Variants in FBXO16 observed in about 807,000 individuals in gnomAD.
FBXO16 encodes the protein F-box protein 16, also known as F-box only protein 16.
FBXO16 carries 31 observed loss-of-function variants against 41.0 expected under a neutral mutation model. The ratio of observed to expected loss-of-function variants is 0.76; its 90% confidence interval spans 0.57 to 1.02. The LOEUF (loss-of-function observed/expected upper bound fraction) is 1.02. Among genes scored for constraint, FBXO16 ranks in the 50% least tolerant of loss-of-function variants. FBXO16 has a pLI of 0.00. For missense variants in FBXO16, 361 were observed against 346.2 expected (o/e 1.04, Z -0.34); for synonymous variants, 133 against 117.8 (o/e 1.13, Z -0.84).
chr8:28,463,721 T>C lies in FBXO16; in HGVS notation c.233A>G (p.Gln78Arg), dbSNP rs780535231. The C allele has an allele frequency of 1.2e-6, 2 of 1,614,232 alleles. No homozygotes were observed. Among genetic ancestry groups the C allele is most frequent in the Non-Finnish European group, 1.7e-6 (2 of 1,180,034 alleles). ...SQQKFCCRKL[Q>R]EKIPAEALDF... ...CAGGGCTTCTGCTGGAATTTTCTCT[T>C]GAAGCTTTCGACAGCAGAACTTTTG... is the stretch of plus-strand genomic sequence containing the variant. Residue 78 changes from glutamine to arginine, a missense_variant, in exon 4 of 9, where the codon CAA becomes CGA. Coordinates refer to ENST00000380254, the MANE Select transcript of FBXO16 (RefSeq NM_172366.4).
At chr8:28,449,576 G>T (rs2130119993) in intron 6 of FBXO16, among the ~76,000 whole-genome samples, 1 of 152,106 alleles carries the variant, frequency 6.6e-6, no homozygotes, top group Admixed American at 6.5e-5. Context: ...TTCTGCCTCA[G>T]CCACCCAGAG....
intron 3 of FBXO16, among the ~76,000 whole-genome samples, chr8:28,469,146 T>TA (rs935486296): frequency 6.0e-5 from 9 of 149,352 alleles, no homozygotes; most frequent in South Asian, 2.1e-4. Flanking sequence ...CCATCTCTAC[T>TA]AAAAAAAAAT....
At chr8:28,440,105 C>CTAT (rs34234188) in intron 7 of FBXO16, among the ~76,000 whole-genome samples, 6 of 149,650 alleles carry the variant, frequency 4.0e-5, no homozygotes, top group Non-Finnish European at 5.9e-5. Context: ...TATTTTATTA[C>CTAT]TATTATTATT....
rs745692133 is a variant in FBXO16, at chr8:28,428,666, C to T, written c.*61G>A. On this transcript the variant is annotated 3_prime_UTR_variant, in exon 9 of 9. Coordinates refer to ENST00000380254, the MANE Select transcript of FBXO16 (RefSeq NM_172366.4). ...AGCTGTGGTGGCAGTGTCTGGGAGT[C>T]CCACTGACTCAGGGGGAGGCCAGGC... The T allele has an allele frequency of 2.6e-6, 4 of 1,566,900 alleles. No individual in the cohort carries two copies. The highest frequency in any genetic ancestry group is 2.4e-5 in the South Asian group (2 of 84,896).
intron 4 of FBXO16, among the ~76,000 whole-genome samples, chr8:28,462,176 G>A (rs1803144916): frequency 6.6e-6 from 1 of 151,870 alleles, no homozygotes. Context: ...CTAGGCTCAG[G>A]CAATCCTCCC....
At chr8:28,471,279 T>C (rs1282401111) in intron 3 of FBXO16, among the ~76,000 whole-genome samples, 1 of 152,234 alleles carries the variant, frequency 6.6e-6, no homozygotes, top group African/African-American at 2.4e-5. Flanking sequence ...TATCTCTCAC[T>C]GTCTAGATTC....
chr8:28,467,921 T>A (rs536504634), intron 3 of FBXO16, among the ~76,000 whole-genome samples: 1 of 152,246 alleles, frequency 6.6e-6, no homozygotes, highest in Non-Finnish European at 1.5e-5. Flanking sequence ...TTTCTAATTG[T>A]GTTTGTTTAG....
intron 7 of FBXO16, among the ~76,000 whole-genome samples, chr8:28,443,996 C>G (rs1323295499): frequency 6.6e-6 from 1 of 152,178 alleles, no homozygotes; most frequent in African/African-American, 2.4e-5. Flanking sequence ...CGGGGCTGCT[C>G]TGTCTATGGA....
chr8:28,456,823 C>T lies in FBXO16; in HGVS notation c.450G>A (p.Gly150=), dbSNP rs201411812. The part of the protein sequence containing the change: ...INFSPTPFEQ[G]IWKKHYIQMV... Reference sequence around the variant, plus strand: ...TTTGAATATAGTGCTTCTTCCAGATCCCCTGCTCAAAGGGAGTTGGAGAGA... The same window carrying T: ...TTTGAATATAGTGCTTCTTCCAGATTCCCTGCTCAAAGGGAGTTGGAGAGA... The change falls in exon 5 of 9, where the codon GGG becomes GGA. Residue 150 remains glycine (G), a synonymous_variant. Transcript: ENST00000380254. The T allele has an allele frequency of 6.2e-7, 1 of 1,614,090 alleles. No individual in the cohort carries two copies. Among genetic ancestry groups the T allele is most frequent in the Non-Finnish European group, 8.5e-7 (1 of 1,180,002 alleles).
rs766441180 is a variant in FBXO16 at position 28,456,871 on chromosome 8, T to C, written c.402A>G (p.Leu134=). 3.7e-6 allele frequency: 6 copies of C among 1,614,124 alleles called. No homozygotes were observed. The South Asian group carries it at 5.5e-5, about 15-fold the overall frequency. The change falls in exon 5 of 9, where the codon TTA becomes TTG. Residue 134 remains leucine, a synonymous_variant. Transcript: ENST00000380254. ...ELDQLWMLKC[L]RFNWYINFSP... Reference sequence around the variant, plus strand: ...AGAAATTGATGTACCAGTTAAACCGTAAACATTTCAGCATCCAGAGCTGGT... The same window carrying C: ...AGAAATTGATGTACCAGTTAAACCGCAAACATTTCAGCATCCAGAGCTGGT...
intron 2 of FBXO16, among the ~76,000 whole-genome samples, chr8:28,478,529 A>C (rs780476468): frequency 2.0e-5 from 3 of 152,176 alleles, no homozygotes; most frequent in Non-Finnish European, 4.4e-5. Context: ...ATCTCATATC[A>C]AATTGTAATC....
At chr8:28,441,410 T>C (rs571575345) in intron 7 of FBXO16, among the ~76,000 whole-genome samples, 125 of 152,186 alleles carry the variant, frequency 8.2e-4, no homozygotes, top group Non-Finnish European at 1.5e-3. Flanking sequence ...GCTCCTTCCT[T>C]CCCTAAGAAT....
intron 2 of FBXO16, among the ~76,000 whole-genome samples, chr8:28,481,184 G>A (rs1803506595): frequency 6.6e-6 from 1 of 152,204 alleles, no homozygotes; most frequent in Non-Finnish European, 1.5e-5. Context: ...TTACTCTTGG[G>A]AGTGGAGTCT....
At chr8:28,458,315 G>T (rs192217396) in intron 4 of FBXO16, among the ~76,000 whole-genome samples, 14 of 152,272 alleles carry the variant, frequency 9.2e-5, no homozygotes, top group Admixed American at 9.2e-4. Context: ...AGAAATAATA[G>T]ATTCAGGAAA....
chr8:28,475,364 C>G (rs1190412557), intron 2 of FBXO16, among the ~76,000 whole-genome samples: 1 of 152,192 alleles, frequency 6.6e-6, no homozygotes, highest in Non-Finnish European at 1.5e-5. Context: ...CAGACAGACA[C>G]TTTTTGCACA....
intron 7 of FBXO16, among the ~76,000 whole-genome samples, chr8:28,444,612 GGACTACAAGCACCCGCCACTTC>G (rs1802832671): frequency 1.3e-5 from 2 of 150,028 alleles, no homozygotes; most frequent in Non-Finnish European, 1.5e-5. Context: ...CGAGTAGCTT[GGACTACAAGCACCCGCCACTTC>G]GCCGAGCTAA....
chr8:28,438,427 C>G (rs1802716472), intron 7 of FBXO16, among the ~76,000 whole-genome samples: 1 of 152,186 alleles, frequency 6.6e-6, no homozygotes, highest in African/African-American at 2.4e-5. Flanking sequence ...AAAGGAGACT[C>G]TTGTTCTATG....
At chr8:28,479,314 C>CA (rs1803475747) in intron 2 of FBXO16, among the ~76,000 whole-genome samples, 2 of 152,126 alleles carry the variant, frequency 1.3e-5, no homozygotes, top group African/African-American at 4.8e-5. Context: ...CCTTTTATTT[C>CA]CTTCCCTTCC....
intron 7 of FBXO16, among the ~76,000 whole-genome samples, chr8:28,430,829 G>A (rs947580713): frequency 3.3e-5 from 5 of 152,054 alleles, no homozygotes; most frequent in Non-Finnish European, 7.4e-5. Flanking sequence ...AAAACTAGCT[G>A]GGCATGGTGG....
Sources: allele counts gnomAD v4.1 joint callset (sites outside exome capture counted in the v4.1 genomes callset), GRCh38; gene constraint gnomAD v4.1.1; transcripts MANE v1.5; gene names NCBI Gene and HGNC (gene_info 2026-07-23, HGNC 2026-07-21).